The following CEP15 variants were observed in gnomAD, a reference collection of about 807,000 sequenced individuals.
CEP15 encodes the protein centrosomal protein 15 kDa.
the CEP15 span, chr3:62,334,873 C>G: frequency 2.0e-5 from 3 of 151,232 alleles, no homozygotes; most frequent in Non-Finnish European, 2.9e-5. This position sits in a 1 kb window ranked among gnomAD's most constrained non-coding sequence, Gnocchi z 4.9. Context: ...TTTTTAGCAG[C>G]TTTGAATTGG....
the CEP15 span, chr3:62,336,115 A>G: frequency 2.0e-5 from 3 of 152,232 alleles, no homozygotes; most frequent in South Asian, 2.1e-4. The surrounding 1 kb of genome is among the most constrained non-coding windows in gnomAD (Gnocchi z 4.4). Context: ...TTTGTTTACA[A>G]TTTTTGCTAT....
At chr3:62,327,616 A>G in the CEP15 span, among the ~76,000 whole-genome samples, 1 of 152,202 alleles carries the variant, frequency 6.6e-6, no homozygotes, top group Admixed American at 6.5e-5. Flanking sequence ...TATATTCATT[A>G]GAAGTTGCAA....
At chr3:62,320,260 T>A in the CEP15 span, among the ~76,000 whole-genome samples, 3 of 152,230 alleles carry the variant, frequency 2.0e-5, no homozygotes. Flanking sequence ...TTTACCTAAT[T>A]CATAGTATTC....
chr3:62,324,224 TA>T, the CEP15 span: 28 of 146,988 alleles, frequency 1.9e-4, no homozygotes, highest in Non-Finnish European at 2.9e-4. Context: ...ACCCTATCTC[TA>T]AAAAAAAAAG....
chr3:62,328,138 T>C, the CEP15 span, among the ~76,000 whole-genome samples: 2 of 152,228 alleles, frequency 1.3e-5, no homozygotes, highest in African/African-American at 4.8e-5. Context: ...GGAATGTTTA[T>C]TGCAACTTGT....
At chr3:62,329,261 G>A in the CEP15 span, among the ~76,000 whole-genome samples, 1 of 152,158 alleles carries the variant, frequency 6.6e-6, no homozygotes, top group South Asian at 2.1e-4. Flanking sequence ...GTATCTGAGG[G>A]AAGAGAATTC....
chr3:62,331,224 AAG>A, the CEP15 span: 2 of 925,488 alleles, frequency 2.2e-6, no homozygotes, highest in Non-Finnish European at 3.4e-6. Context: ...ATATCCAGAG[AAG>A]AGTTGAGGTG....
chr3:62,328,391 G>C, the CEP15 span, among the ~76,000 whole-genome samples: 1 of 152,140 alleles, frequency 6.6e-6, no homozygotes, highest in Non-Finnish European at 1.5e-5. Flanking sequence ...TCTCCAGGGT[G>C]TACCCCCACT....
the CEP15 span, chr3:62,333,211 C>T: frequency 2.4e-5 from 38 of 1,596,310 alleles, no homozygotes; most frequent in Admixed American, 3.2e-4. The surrounding 1 kb of genome is among the most constrained non-coding windows in gnomAD (Gnocchi z 4.0). Flanking sequence ...GAGCCAAGTT[C>T]AATTGCTTGA....
the CEP15 span, among the ~76,000 whole-genome samples, chr3:62,327,777 G>A: frequency 6.6e-6 from 1 of 152,128 alleles, no homozygotes; most frequent in Non-Finnish European, 1.5e-5. Context: ...TTTCTCTATA[G>A]CTTTCAAAAT....
the CEP15 span, chr3:62,320,494 A>G: frequency 6.2e-7 from 1 of 1,612,384 alleles, no homozygotes; most frequent in Non-Finnish European, 8.5e-7. Flanking sequence ...TTTGCTCAAG[A>G]AATTCGCCTT....
At chr3:62,334,594 G>C in the CEP15 span, 1 of 151,988 alleles carries the variant, frequency 6.6e-6, no homozygotes, top group Non-Finnish European at 1.5e-5. The surrounding 1 kb of genome is among the most constrained non-coding windows in gnomAD (Gnocchi z 4.9). Flanking sequence ...GTGTCAGTCC[G>C]ATGACAATTT....
chr3:62,328,397 C>T, the CEP15 span, among the ~76,000 whole-genome samples: 3 of 152,128 alleles, frequency 2.0e-5, no homozygotes, highest in African/African-American at 7.2e-5. Flanking sequence ...GGGTGTACCC[C>T]CACTAGGGGT....
chr3:62,322,243 A>AAAAATTG, the CEP15 span: 2 of 530,692 alleles, frequency 3.8e-6, no homozygotes, highest in East Asian at 7.5e-5. The surrounding 1 kb of genome is among the most constrained non-coding windows in gnomAD (Gnocchi z 5.5). Context: ...TTTAAATTAA[A>AAAAATTG]AAAATTGAAC....
chr3:62,333,195 TATGAAGAGCCAA>T, the CEP15 span: 1 of 1,564,600 alleles, frequency 6.4e-7, no homozygotes, highest in Non-Finnish European at 8.7e-7. The surrounding 1 kb of genome is among the most constrained non-coding windows in gnomAD (Gnocchi z 4.0). Context: ...TTTAGACTAT[TATGAAGAGCCAA>T]GTTCAATTGC....
chr3:62,322,885 C>T, the CEP15 span, among the ~76,000 whole-genome samples: 1 of 152,200 alleles, frequency 6.6e-6, no homozygotes, highest in Non-Finnish European at 1.5e-5. This position sits in a 1 kb window ranked among gnomAD's most constrained non-coding sequence, Gnocchi z 5.5. Flanking sequence ...ATCTTCTCAG[C>T]TTCTGGCAGT....
chr3:62,321,838 T>G, the CEP15 span: 1 of 929,652 alleles, frequency 1.1e-6, no homozygotes, highest in African/African-American at 1.7e-5. This position sits in a 1 kb window ranked among gnomAD's most constrained non-coding sequence, Gnocchi z 4.1. Context: ...TGAAGTGAGG[T>G]GCAATTAAGA....
At chr3:62,326,214 A>C in the CEP15 span, among the ~76,000 whole-genome samples, 1 of 152,118 alleles carries the variant, frequency 6.6e-6, no homozygotes, top group Non-Finnish European at 1.5e-5. Flanking sequence ...ACTTCAACAA[A>C]CTGCCATCCA....
the CEP15 span, among the ~76,000 whole-genome samples, chr3:62,325,862 A>G: frequency 6.6e-6 from 1 of 152,080 alleles, no homozygotes; most frequent in Non-Finnish European, 1.5e-5. Context: ...CGTCTCTACT[A>G]AAAATACAAA....
Sources: allele counts gnomAD v4.1 joint callset (sites outside exome capture counted in the v4.1 genomes callset), GRCh38; gene constraint gnomAD v4.1.1; non-coding constraint Gnocchi (gnomAD v3.1); transcripts MANE v1.5; gene names NCBI Gene and HGNC (gene_info 2026-07-23, HGNC 2026-07-21).